SLC8A1: variants seen among roughly 807,000 people sequenced by gnomAD.
SLC8A1 encodes the protein solute carrier family 8 member A1.
In SLC8A1, 18 loss-of-function variants were observed where a neutral mutation model predicts 68.3. The ratio of observed to expected loss-of-function variants is 0.26; its 90% CI spans 0.18 to 0.39. The LOEUF is 0.39. Among genes scored for constraint, SLC8A1 ranks in the 10% least tolerant of loss-of-function variants. SLC8A1 has a pLI of 1.00. For synonymous variants in SLC8A1, 475 were observed against 415.5 expected, an observed-to-expected ratio of 1.14 and a Z score of -1.74; for missense variants, 985 against 1,156.7, an observed-to-expected ratio of 0.85 and a Z score of 2.15.
intron 1 of SLC8A1, among the ~76,000 whole-genome samples, chr2:40,444,716 A>C (rs1167961390): frequency 6.6e-6 from 1 of 152,188 alleles, no homozygotes; most frequent in Non-Finnish European, 1.5e-5. Context: ...ATGATGTGAA[A>C]ATTATGTGAT....
At chr2:40,470,054 C>G (rs34923862) in intron 1 of SLC8A1, among the ~76,000 whole-genome samples, 12,833 of 151,242 alleles carry the variant, frequency 0.085, 875 homozygotes, top group East Asian at 0.32. Flanking sequence ...AGTTCAGTTT[C>G]AACATTGTTT....
chr2:40,309,066 T>TG (rs1559181536), intron 2 of SLC8A1, among the ~76,000 whole-genome samples: 1 of 151,976 alleles, frequency 6.6e-6, no homozygotes, highest in African/African-American at 2.4e-5. Context: ...TATTTTGCAG[T>TG]GAAAAAAAAA....
chr2:40,106,194 T>G (rs997960280), exon 8 of SLC8A1: 5 of 152,218 alleles, frequency 3.3e-5, no homozygotes, highest in African/African-American at 1.2e-4. Context: ...TCCTTTTCAC[T>G]TTTCTCTCAC....
At chr2:40,390,932 A>C (rs1426015018) in intron 2 of SLC8A1, among the ~76,000 whole-genome samples, 1 of 152,084 alleles carries the variant, frequency 6.6e-6, no homozygotes, top group Non-Finnish European at 1.5e-5. Context: ...GGCAAACAAT[A>C]AATATGGGAG....
chr2:40,217,985 C>T (rs1306105472), intron 2 of SLC8A1, among the ~76,000 whole-genome samples: 1 of 152,024 alleles, frequency 6.6e-6, no homozygotes, highest in Non-Finnish European at 1.5e-5. Context: ...CATTTGCATC[C>T]AGGCCTACAG....
At chr2:40,235,067 G>T (rs76839556) in intron 2 of SLC8A1, among the ~76,000 whole-genome samples, 113,191 of 151,616 alleles carry the variant, frequency 0.75, 42,852 homozygotes, top group Middle Eastern at 0.84. Context: ...TCTCTTTTTT[G>T]GTTGTGTCTC....
At chr2:40,264,846 TA>T (rs34628560) in intron 2 of SLC8A1, among the ~76,000 whole-genome samples, 120,409 of 151,582 alleles carry the variant, frequency 0.79, 48,054 homozygotes, top group South Asian at 0.88. Context: ...ACTTAAAGTA[TA>T]AAAAAAAAAT....
At chr2:40,237,196 T>A (rs12712686) in intron 2 of SLC8A1, among the ~76,000 whole-genome samples, 3 of 152,072 alleles carry the variant, frequency 2.0e-5, no homozygotes, top group African/African-American at 7.3e-5. Context: ...ATCCTGCAGC[T>A]TGTTTTCCAA....
intron 2 of SLC8A1, among the ~76,000 whole-genome samples, chr2:40,264,593 C>T (rs181878816): frequency 6.6e-6 from 1 of 152,224 alleles, no homozygotes; most frequent in African/African-American, 2.4e-5. Flanking sequence ...AGCAAACTAT[C>T]ACAAGGACAA....
intron 1 of SLC8A1, among the ~76,000 whole-genome samples, chr2:40,481,026 T>A (rs556979434): frequency 6.6e-6 from 1 of 152,174 alleles, no homozygotes; most frequent in Admixed American, 6.5e-5. Flanking sequence ...GAGGAGTATA[T>A]TATTTGACCT....
intron 1 of SLC8A1, among the ~76,000 whole-genome samples, chr2:40,472,986 A>T (rs1268577752): frequency 6.7e-6 from 1 of 148,972 alleles, no homozygotes; most frequent in African/African-American, 2.5e-5. Context: ...TACATACAGG[A>T]GGCAGATAAC....
chr2:40,173,072 C>G (rs1449769331), intron 4 of SLC8A1, among the ~76,000 whole-genome samples: 4 of 152,134 alleles, frequency 2.6e-5, no homozygotes, highest in African/African-American at 9.7e-5. Flanking sequence ...TCAGATTTCA[C>G]AGGATGGAAG....
At chr2:40,359,452 A>G (rs1673852096) in intron 2 of SLC8A1, among the ~76,000 whole-genome samples, 1 of 152,146 alleles carries the variant, frequency 6.6e-6, no homozygotes, top group Non-Finnish European at 1.5e-5. Context: ...TCCTGAGCGC[A>G]ATGAGAAGCA....
At chr2:40,254,122 AG>A (rs2063471006) in intron 2 of SLC8A1, among the ~76,000 whole-genome samples, 1 of 152,180 alleles carries the variant, frequency 6.6e-6, no homozygotes, top group African/African-American at 2.4e-5. Flanking sequence ...CATGTATCAA[AG>A]CATCACACAT....
chr2:40,427,514 C>G (rs572253047), intron 2 of SLC8A1, among the ~76,000 whole-genome samples: 2 of 152,048 alleles, frequency 1.3e-5, no homozygotes, highest in Non-Finnish European at 2.9e-5. Flanking sequence ...CTCCCTCCCT[C>G]CTTTCCCCCC....
At chr2:40,496,841 G>A (rs1055037056) in intron 1 of SLC8A1, among the ~76,000 whole-genome samples, 1 of 146,212 alleles carries the variant, frequency 6.8e-6, no homozygotes, top group African/African-American at 2.5e-5. Context: ...ACCAAACACC[G>A]CATATTCTCA....
At chr2:40,254,865 G>A (rs1395005666) in intron 2 of SLC8A1, 3 of 152,130 alleles carry the variant, frequency 2.0e-5, no homozygotes, top group Admixed American at 6.5e-5. Context: ...ATATGTTGAT[G>A]AGCAGGCAAT....
In SLC8A1 at chr2:40,170,362, C is replaced by G; in HGVS notation, c.1930+4463G>C. 1 of 1,613,082 alleles carries G rather than the reference C, an allele frequency of 6.2e-7. No homozygotes were observed. Among genetic ancestry groups the G allele is most frequent in the Non-Finnish European group, 8.5e-7 (1 of 1,179,130 alleles). On this transcript the variant is annotated intron_variant, in intron 4 of 7. Transcript: ENST00000406785. ...AAGACAGGTTGGCCTAGCAAAAGGA[C>G]AGGCAGAAAAATCAGCAGAATGGAT... is the stretch of plus-strand genomic sequence containing the variant.
At chr2:40,251,633 C>T (rs2149030522) in intron 2 of SLC8A1, 1 of 152,236 alleles carries the variant, frequency 6.6e-6, no homozygotes, top group African/African-American at 2.4e-5. Flanking sequence ...GGTAGTCTTA[C>T]AGGGGATCTT....
Sources: gnomAD v4.1 joint callset for allele counts (sites outside exome capture counted in the v4.1 genomes callset) on GRCh38, gnomAD v4.1.1 for gene constraint, MANE v1.5 for transcripts, NCBI Gene and HGNC (gene_info 2026-07-23, HGNC 2026-07-21) for gene names.